TTC17: variants seen among roughly 807,000 people sequenced by gnomAD.
The protein encoded by TTC17 is tetratricopeptide repeat protein 17.
TTC17 carries 58 observed loss-of-function variants against 143.8 expected under a neutral mutation model. The observed-to-expected ratio is 0.40, with a 90% CI of 0.33 to 0.50. TTC17 has a LOEUF of 0.50. Ranked by LOEUF, TTC17 falls within the 20% of genes least tolerant of loss-of-function variation. The pLI is 0.49. For missense variants in TTC17, 1,273 were observed against 1,392.5 expected (o/e 0.91, Z 1.37); for synonymous variants, 501 against 497.8 (o/e 1.01, Z -0.09).
At chr11:43,397,929 TGTGTGTGTGTGTGTGTGTGTG>T in intron 7 of TTC17, 24 bp from the exon 8 acceptor site, 1 of 1,354,462 alleles carries the variant, frequency 7.4e-7, no homozygotes. Flanking sequence ...TGTGTGTGTG[TGTGTGTGTGTGTGTGTGTGTG>T]TATGTTTGTT....
At chr11:43,387,116 T>TG (rs555764766) in intron 2 of TTC17, among the ~76,000 whole-genome samples, 2 of 152,088 alleles carry the variant, frequency 1.3e-5, no homozygotes, top group Non-Finnish European at 2.9e-5. Flanking sequence ...GAAAAGCTAT[T>TG]GGGGGGAAAA....
At chr11:43,360,881 A>G (rs1224651251) in intron 1 of TTC17, among the ~76,000 whole-genome samples, 1 of 152,216 alleles carries the variant, frequency 6.6e-6, no homozygotes, top group Admixed American at 6.5e-5. Flanking sequence ...CTTAAAGTTT[A>G]AAAAGCAAGA....
chr11:43,475,398 TCAC>T (rs374802482), intron 21 of TTC17, among the ~76,000 whole-genome samples: 1 of 152,280 alleles, frequency 6.6e-6, no homozygotes, highest in East Asian at 1.9e-4. Flanking sequence ...AGTGGCGTGA[TCAC>T]CACTCACTAC....
At chr11:43,359,373 G>A (rs1247952575) in intron 1 of TTC17, 2 of 439,246 alleles carry the variant, frequency 4.6e-6, no homozygotes, top group Non-Finnish European at 4.0e-6. Context: ...GGGAAGAGTC[G>A]CCCAGCTGCG....
chr11:43,465,835 T>G (rs924427951), intron 21 of TTC17, among the ~76,000 whole-genome samples: 2 of 151,208 alleles, frequency 1.3e-5, no homozygotes, highest in Admixed American at 6.6e-5. Context: ...TGTACAACTC[T>G]TGGAAGAAAA....
chr11:43,360,863 T>C (rs1292637094), intron 1 of TTC17, among the ~76,000 whole-genome samples: 1 of 152,196 alleles, frequency 6.6e-6, no homozygotes, highest in East Asian at 1.9e-4. Context: ...CTGAGCTAAG[T>C]AATTAGGCTT....
intron 16 of TTC17, among the ~76,000 whole-genome samples, chr11:43,415,903 A>G (rs1283940109): frequency 6.6e-6 from 1 of 152,210 alleles, no homozygotes; most frequent in African/African-American, 2.4e-5. Flanking sequence ...CCAAAACAGT[A>G]TAGCAAGGCA....
intron 21 of TTC17, among the ~76,000 whole-genome samples, chr11:43,482,256 T>G (rs1240224638): frequency 7.0e-6 from 1 of 143,442 alleles, no homozygotes; most frequent in Non-Finnish European, 1.6e-5. Flanking sequence ...AGGTTTTTAA[T>G]AGTTTTTTTT....
intron 15 of TTC17, among the ~76,000 whole-genome samples, chr11:43,414,167 A>G (rs1353199645): frequency 6.6e-6 from 1 of 152,152 alleles, no homozygotes; most frequent in Admixed American, 6.5e-5. Flanking sequence ...GAAGCTACAA[A>G]AGGACACATA....
intron 15 of TTC17, among the ~76,000 whole-genome samples, chr11:43,409,440 A>G (rs966078517): frequency 2.6e-5 from 4 of 152,240 alleles, no homozygotes; most frequent in African/African-American, 9.6e-5. Flanking sequence ...AATAAGGTCT[A>G]AAAATATTAA....
chr11:43,409,501 T>G (rs1236476692), intron 15 of TTC17, among the ~76,000 whole-genome samples: 1 of 152,226 alleles, frequency 6.6e-6, no homozygotes, highest in Non-Finnish European at 1.5e-5. Flanking sequence ...CTGCCAATTT[T>G]TTTGATTGTT....
At chr11:43,482,590 T>C (rs1948307564) in intron 21 of TTC17, among the ~76,000 whole-genome samples, 1 of 152,184 alleles carries the variant, frequency 6.6e-6, no homozygotes, top group Non-Finnish European at 1.5e-5. Context: ...AAGCTTGTTT[T>C]ATGGGCCAGA....
At chr11:43,392,079 C>T in intron 5 of TTC17, 127 bp downstream of exon 5, 1 of 1,126,850 alleles carries the variant, frequency 8.9e-7, no homozygotes, top group South Asian at 1.7e-5. Flanking sequence ...TAAAATTACA[C>T]TTACATTGAT....
At chr11:43,376,097 A>C (rs1856755848) in intron 1 of TTC17, among the ~76,000 whole-genome samples, 1 of 152,248 alleles carries the variant, frequency 6.6e-6, no homozygotes, top group African/African-American at 2.4e-5. Flanking sequence ...AAAATGCTGC[A>C]GTGAACTCAA....
chr11:43,422,529 T>G (rs1243653706), intron 16 of TTC17, among the ~76,000 whole-genome samples: 4 of 152,162 alleles, frequency 2.6e-5, no homozygotes, highest in African/African-American at 4.8e-5. Context: ...ACTAGGGTAT[T>G]CTAGCCAACA....
Position 43,453,173 on chromosome 11 carries a change from C to T in TTC17, c.3030+1908C>T, listed in dbSNP as rs902329211. Among the ~76,000 whole-genome samples, 14 of 3,752 alleles carry T rather than the reference C, an allele frequency of 3.7e-3. 1 individual carries two copies. In the South Asian group the frequency reaches 0.12, roughly 34 times the overall value. The allele number at this position is 3,752 out of a possible 152,430, so 2.5% of individuals were successfully genotyped here. A position where few individuals can be genotyped will look rare whatever the true frequency, so the allele number is the denominator to read the frequency against. On this transcript the variant is annotated intron_variant, in intron 21 of 23. Transcript: ENST00000039989. Reference sequence around the variant, plus strand: ...CATAGAGGACAGAAGTGACAAGTGACGAAAATAAGAGAGTTAAAGAAAAAT... The same window carrying T: ...CATAGAGGACAGAAGTGACAAGTGATGAAAATAAGAGAGTTAAAGAAAAAT...
chr11:43,431,716 C>CA, intron 16 of TTC17, among the ~76,000 whole-genome samples: 1 of 152,292 alleles, frequency 6.6e-6, no homozygotes, highest in Non-Finnish European at 1.5e-5. Context: ...TTATTAAGCT[C>CA]AATTTGCAGC....
intron 16 of TTC17, among the ~76,000 whole-genome samples, chr11:43,423,195 T>G (rs1205378317): frequency 2.0e-5 from 3 of 152,110 alleles, no homozygotes; most frequent in Non-Finnish European, 4.4e-5. Flanking sequence ...TGTTGGAGAT[T>G]TGATGAGAGA....
chr11:43,432,787 T>G (rs1480178508), intron 16 of TTC17, among the ~76,000 whole-genome samples: 1 of 152,190 alleles, frequency 6.6e-6, no homozygotes, highest in Non-Finnish European at 1.5e-5. Flanking sequence ...AAGGCAACTT[T>G]TTTTAGTTCC....
Sources: allele counts gnomAD v4.1 joint callset (sites outside exome capture counted in the v4.1 genomes callset), GRCh38; gene constraint gnomAD v4.1.1; transcripts MANE v1.5; gene names NCBI Gene and HGNC (gene_info 2026-07-23, HGNC 2026-07-21).